MICU1: variants seen among roughly 807,000 people sequenced by gnomAD.
MICU1 encodes the protein calcium uptake protein 1, mitochondrial.
In MICU1, 45 loss-of-function variants were observed where a neutral mutation model predicts 56.8. The observed-to-expected ratio is 0.79, with a 90% confidence interval of 0.62 to 1.02. The LOEUF is 1.02. Among genes scored for constraint, MICU1 ranks in the 50% least tolerant of loss-of-function variants. The probability of loss-of-function intolerance (pLI) is 0.00; values close to 1 mark genes in which losing one functional copy is unlikely to be tolerated. For missense variants in MICU1, 504 were observed against 587.1 expected, an observed-to-expected ratio of 0.86 and a Z score of 1.46; for synonymous variants, 186 against 195.1, an observed-to-expected ratio of 0.95 and a Z score of 0.39.
intron 1 of MICU1, among the ~76,000 whole-genome samples, chr10:72,569,575 T>C (rs1317493073): frequency 6.6e-6 from 1 of 151,930 alleles, no homozygotes; most frequent in Admixed American, 6.6e-5. Context: ...ATGATAGAAA[T>C]GACAGAAAAC....
intron 11 of MICU1, among the ~76,000 whole-genome samples, chr10:72,369,533 C>A (rs1391970799): frequency 6.6e-6 from 1 of 152,062 alleles, no homozygotes; most frequent in East Asian, 1.9e-4. Context: ...TAGGAGACTG[C>A]TGCAATAGTC....
Position 72,367,463 on chromosome 10 carries a change from G to A in MICU1, c.*732C>T, listed in dbSNP as rs13688. ...AGAGGCCCATCCTGGAGAGGAAATG[G>A]CACTTGCAGGGAACATGAGCTCAAT... On this transcript the variant is annotated 3_prime_UTR_variant, in exon 12 of 12. Transcript: ENST00000361114. The A allele has an allele frequency of 0.036, 5,529 of 152,478 alleles. 156 individuals carry two copies. The highest frequency in any genetic ancestry group is 0.057 in the Non-Finnish European group (3,879 of 68,044). The allele number at this position is 152,478 out of a possible 1,614,324, so 9.4% of individuals were successfully genotyped here.
chr10:72,448,173 G>GTGTGTGTGTGTATATATATA (rs1393436881), intron 8 of MICU1, among the ~76,000 whole-genome samples: 1 of 77,164 alleles, frequency 1.3e-5, no homozygotes, highest in African/African-American at 4.8e-5. Flanking sequence ...ATATGTGTGT[G>GTGTGTGTGTGTATATATATA]TATATATATA....
chr10:72,461,663 C>T (rs1447719496), intron 8 of MICU1, among the ~76,000 whole-genome samples: 2 of 152,164 alleles, frequency 1.3e-5, no homozygotes, highest in Admixed American at 1.3e-4. Context: ...TAAGAAAAGA[C>T]TCTGAGCCGG....
At chr10:72,370,086 C>G (rs947206474) in intron 11 of MICU1, among the ~76,000 whole-genome samples, 8 of 152,100 alleles carry the variant, frequency 5.3e-5, no homozygotes, top group Non-Finnish European at 1.0e-4. Context: ...ACCGTGTTAG[C>G]CAGGATGGTC....
intron 6 of MICU1, among the ~76,000 whole-genome samples, chr10:72,490,364 T>A (rs1426399182): frequency 6.6e-6 from 1 of 152,074 alleles, no homozygotes; most frequent in Non-Finnish European, 1.5e-5. Context: ...AAATAACACA[T>A]AATACTAAGA....
chr10:72,482,398 G>A (rs1866328332), intron 6 of MICU1, among the ~76,000 whole-genome samples: 1 of 152,110 alleles, frequency 6.6e-6, no homozygotes. Flanking sequence ...GAATGCTAGA[G>A]GATAAATGAG....
At chr10:72,421,151 A>G (rs1864158421) in intron 9 of MICU1, among the ~76,000 whole-genome samples, 1 of 151,996 alleles carries the variant, frequency 6.6e-6, no homozygotes, top group African/African-American at 2.4e-5. Context: ...GGTATGTGCC[A>G]CCATGCCTGA....
intron 6 of MICU1, among the ~76,000 whole-genome samples, chr10:72,494,520 G>T (rs946873990): frequency 6.6e-6 from 1 of 152,064 alleles, no homozygotes; most frequent in African/African-American, 2.4e-5. Context: ...ACATAGGATG[G>T]TTACTATAAG....
In MICU1 at chr10:72,425,774, T is replaced by C. The variant is rs185714963; in HGVS notation, c.934-2403A>G. Among the ~76,000 whole-genome samples, 564 of 152,306 alleles carry C rather than the reference T, an allele frequency of 3.7e-3. 3 individuals are homozygous for C. Among genetic ancestry groups the C allele is most frequent in the Non-Finnish European group, 6.5e-3 (441 of 68,026 alleles). On this transcript the variant is annotated intron_variant, in intron 8 of 11. Coordinates refer to ENST00000361114, the MANE Select transcript of MICU1 (RefSeq NM_001195518.2). ...GGAGGGAGCCATGGAGAGCTGTTTTTCTTTACACGCAAAACTGCTAATGGA... is the reference window on the plus strand; with the variant it reads ...GGAGGGAGCCATGGAGAGCTGTTTTCCTTTACACGCAAAACTGCTAATGGA...
intron 5 of MICU1, among the ~76,000 whole-genome samples, chr10:72,514,897 A>C (rs1290402208): frequency 6.6e-6 from 1 of 152,198 alleles, no homozygotes; most frequent in African/African-American, 2.4e-5. Context: ...CTCCTTACAA[A>C]GCCTCTTCCT....
At chr10:72,601,356 C>T (rs1180636286) in intron 1 of MICU1, among the ~76,000 whole-genome samples, 1 of 141,628 alleles carries the variant, frequency 7.1e-6, no homozygotes, top group Admixed American at 7.5e-5. Flanking sequence ...TCCAGGAGGT[C>T]AAGGTTTCAG....
intron 5 of MICU1, among the ~76,000 whole-genome samples, chr10:72,530,504 A>G (rs1230202146): frequency 6.6e-6 from 1 of 152,016 alleles, no homozygotes; most frequent in Non-Finnish European, 1.5e-5. Context: ...ACCTAGTCTC[A>G]TATTTTCAAA....
intron 9 of MICU1, among the ~76,000 whole-genome samples, chr10:72,409,888 A>G (rs1180267496): frequency 6.6e-6 from 1 of 152,176 alleles, no homozygotes; most frequent in African/African-American, 2.4e-5. Flanking sequence ...AGGTCAAGGA[A>G]CAGACTATTA....
chr10:72,592,715 A>G (rs150749337), intron 1 of MICU1, among the ~76,000 whole-genome samples: 1 of 152,146 alleles, frequency 6.6e-6, no homozygotes, highest in African/African-American at 2.4e-5. Flanking sequence ...CAGAATGAAG[A>G]AAAATCTACA....
intron 5 of MICU1, chr10:72,523,661 TTAC>T (rs1283212806): frequency 5.2e-5 from 26 of 499,572 alleles, no homozygotes; most frequent in South Asian, 1.8e-4. Context: ...TTATATTTAA[TTAC>T]TACAACTCAG....
At chr10:72,446,521 G>T (rs1184611707) in intron 8 of MICU1, among the ~76,000 whole-genome samples, 1 of 152,102 alleles carries the variant, frequency 6.6e-6, no homozygotes, top group East Asian at 1.9e-4. Flanking sequence ...TAGAGACAGG[G>T]TTTCACCTTT....
At chr10:72,444,278 C>T (rs957613647) in intron 8 of MICU1, among the ~76,000 whole-genome samples, 17 of 151,862 alleles carry the variant, frequency 1.1e-4, no homozygotes, top group South Asian at 2.1e-4. Context: ...TGCTAGATGA[C>T]GAGTTAGTGG....
chr10:72,502,091 T>C (rs964931868), intron 6 of MICU1, among the ~76,000 whole-genome samples: 1 of 152,104 alleles, frequency 6.6e-6, no homozygotes, highest in Non-Finnish European at 1.5e-5. Context: ...GTTCATATTC[T>C]TCAAAATGAT....
Sources: allele counts gnomAD v4.1 joint callset (sites outside exome capture counted in the v4.1 genomes callset), GRCh38; gene constraint gnomAD v4.1.1; transcripts MANE v1.5; gene names NCBI Gene and HGNC (gene_info 2026-07-23, HGNC 2026-07-21).